Variants in CHCHD3 observed in about 807,000 individuals in gnomAD.
CHCHD3 encodes the protein MICOS complex subunit MIC19.
CHCHD3 carries 20 observed loss-of-function variants against 38.2 expected under a neutral mutation model. The ratio of observed to expected loss-of-function variants is 0.52; its 90% CI spans 0.37 to 0.76. The LOEUF (loss-of-function observed/expected upper bound fraction) is 0.76. Among genes scored for constraint, CHCHD3 ranks in the 30% least tolerant of loss-of-function variants. CHCHD3 has a pLI of 0.00. For missense variants in CHCHD3, 245 were observed against 279.2 expected, an observed-to-expected ratio of 0.88 and a Z score of 0.87; for synonymous variants, 82 against 100.0, an observed-to-expected ratio of 0.82 and a Z score of 1.07.
chr7:132,954,809 C>T (rs1811119780), intron 4 of CHCHD3, among the ~76,000 whole-genome samples: 1 of 152,106 alleles, frequency 6.6e-6, no homozygotes, highest in Admixed American at 6.5e-5. Flanking sequence ...CTGCCTGTAC[C>T]TCTAGACGTC....
intron 3 of CHCHD3, among the ~76,000 whole-genome samples, chr7:132,997,458 A>G (rs1734445279): frequency 6.6e-6 from 1 of 152,148 alleles, no homozygotes; most frequent in South Asian, 2.1e-4. Flanking sequence ...TACCAAAAAA[A>G]AGTATGCTAT....
chr7:132,962,664 A>G (rs1554394725), intron 4 of CHCHD3, among the ~76,000 whole-genome samples: 1 of 152,212 alleles, frequency 6.6e-6, no homozygotes, highest in Non-Finnish European at 1.5e-5. Context: ...TTTTTAGTTC[A>G]TGAAAAGAAA....
intron 4 of CHCHD3, among the ~76,000 whole-genome samples, chr7:132,938,207 C>T (rs1230009665): frequency 6.6e-6 from 1 of 152,090 alleles, no homozygotes; most frequent in African/African-American, 2.4e-5. Context: ...CTACATTATA[C>T]CATATAATGC....
intron 6 of CHCHD3, among the ~76,000 whole-genome samples, chr7:132,834,842 T>C (rs1013236774): frequency 6.6e-6 from 1 of 152,154 alleles, no homozygotes; most frequent in Non-Finnish European, 1.5e-5. Flanking sequence ...CTCATTAAAC[T>C]GCTTGACTGA....
intron 4 of CHCHD3, among the ~76,000 whole-genome samples, chr7:132,956,138 G>A (rs1811159462): frequency 6.6e-6 from 1 of 152,202 alleles, no homozygotes; most frequent in Non-Finnish European, 1.5e-5. Context: ...CCTCCAGATT[G>A]CATTCAGACA....
chr7:132,987,481 A>G (rs1812151331), intron 3 of CHCHD3, among the ~76,000 whole-genome samples: 1 of 152,236 alleles, frequency 6.6e-6, no homozygotes, highest in Admixed American at 6.5e-5. Context: ...CCTTGGAGAA[A>G]TTCCAGAACT....
intron 5 of CHCHD3, among the ~76,000 whole-genome samples, chr7:132,861,300 T>C (rs934132002): frequency 1.3e-5 from 2 of 152,066 alleles, no homozygotes; most frequent in African/African-American, 4.8e-5. Context: ...GGAGTGTGAG[T>C]GTGTGCTTCC....
At chr7:133,077,265 TAACTA>T (rs1248288739) in intron 1 of CHCHD3, among the ~76,000 whole-genome samples, 2 of 152,186 alleles carry the variant, frequency 1.3e-5, no homozygotes, top group South Asian at 2.1e-4. Context: ...ATCCACTACT[TAACTA>T]AATTTGCACA....
chr7:132,948,858 A>T (rs898864199), intron 4 of CHCHD3, among the ~76,000 whole-genome samples: 2 of 152,180 alleles, frequency 1.3e-5, no homozygotes, highest in African/African-American at 4.8e-5. Flanking sequence ...CAAATGAAAG[A>T]GAAATGTGTT....
chr7:132,954,724 G>A (rs1189176797), intron 4 of CHCHD3, among the ~76,000 whole-genome samples: 1 of 152,122 alleles, frequency 6.6e-6, no homozygotes, highest in African/African-American at 2.4e-5. Context: ...AAGCCACCAG[G>A]ACAGCAGCAG....
At position 133,024,419 on chromosome 7, in the gene CHCHD3, G is replaced by A. The variant is rs116857802; in HGVS notation, c.251+127C>T. On this transcript the variant is annotated intron_variant, in intron 3 of 7. Coordinates refer to ENST00000262570, the MANE Select transcript of CHCHD3 (RefSeq NM_017812.4). ...TAAAACCGAAAATGGCCAAGTTCAT[G>A]TGTTCAGCACATTCTGAAGTTCAGT... 6.2e-3 allele frequency: 4,695 copies of A among 761,172 alleles called. 29 individuals are homozygous for A. Among genetic ancestry groups the A allele is most frequent in the Middle Eastern group, 0.014 (35 of 2,538 alleles). The allele number at this position is 761,172 out of a possible 1,614,324, so 47.2% of individuals were successfully genotyped here. A position where few individuals can be genotyped will look rare whatever the true frequency, so the allele number is the denominator to read the frequency against.
intron 4 of CHCHD3, among the ~76,000 whole-genome samples, chr7:132,919,238 A>T (rs1810198818): frequency 6.6e-6 from 1 of 150,472 alleles, no homozygotes; most frequent in South Asian, 2.1e-4. Context: ...CTTCCCAAGT[A>T]GCTGGGACTA....
At chr7:133,050,430 C>T (rs1328548575) in intron 2 of CHCHD3, among the ~76,000 whole-genome samples, 1 of 141,146 alleles carries the variant, frequency 7.1e-6, no homozygotes, top group Non-Finnish European at 1.5e-5. Flanking sequence ...CAGTAGAGCA[C>T]ACTTTTTAAC....
chr7:132,873,077 G>C (rs754519167), intron 5 of CHCHD3, among the ~76,000 whole-genome samples: 1 of 151,938 alleles, frequency 6.6e-6, no homozygotes, highest in Non-Finnish European at 1.5e-5. Context: ...GCGACAGAGA[G>C]AGATTCTGTC....
intron 4 of CHCHD3, among the ~76,000 whole-genome samples, chr7:132,955,295 G>A (rs1440549362): frequency 4.0e-5 from 6 of 151,516 alleles, no homozygotes; most frequent in African/African-American, 1.5e-4. Context: ...AACCATGGTC[G>A]TGAACAAAGC....
intron 6 of CHCHD3, among the ~76,000 whole-genome samples, chr7:132,821,230 A>G (rs1190259738): frequency 6.6e-6 from 1 of 152,196 alleles, no homozygotes; most frequent in East Asian, 1.9e-4. Context: ...TTAATAGCTC[A>G]CTATTCACTG....
intron 5 of CHCHD3, among the ~76,000 whole-genome samples, chr7:132,884,529 G>A (rs973236350): frequency 3.3e-5 from 5 of 152,026 alleles, no homozygotes; most frequent in Non-Finnish European, 5.9e-5. Context: ...TACTCAGTTC[G>A]GTAACATATG....
intron 2 of CHCHD3, among the ~76,000 whole-genome samples, chr7:133,040,974 GAA>G (rs1023525646): frequency 6.6e-6 from 1 of 152,198 alleles, no homozygotes; most frequent in Admixed American, 6.5e-5. Flanking sequence ...TGAGGGCCAT[GAA>G]TTAGATCACC....
At chr7:132,924,214 T>C (rs891398530) in intron 4 of CHCHD3, among the ~76,000 whole-genome samples, 13 of 152,128 alleles carry the variant, frequency 8.5e-5, no homozygotes, top group African/African-American at 1.9e-4. Context: ...AAGGACTGCA[T>C]AGTGAAATAT....
Sources: gnomAD v4.1 joint callset for allele counts (sites outside exome capture counted in the v4.1 genomes callset) on GRCh38, gnomAD v4.1.1 for gene constraint, MANE v1.5 for transcripts, NCBI Gene and HGNC (gene_info 2026-07-23, HGNC 2026-07-21) for gene names.